The following PLBD2 variants were observed in gnomAD, a reference collection of about 807,000 sequenced individuals.
PLBD2 encodes phospholipase B domain containing 2.
A neutral mutation model predicts 68.3 loss-of-function variants in PLBD2; 51 were observed. The observed-to-expected ratio is 0.75, with a 90% CI of 0.60 to 0.94. PLBD2 has a LOEUF of 0.94. Ranked by LOEUF, PLBD2 falls within the 40% of genes least tolerant of loss-of-function variation. PLBD2 has a pLI of 0.00. For missense variants in PLBD2, 729 were observed against 792.2 expected (o/e 0.92, Z 0.96); for synonymous variants, 314 against 339.3 (o/e 0.93, Z 0.82).
At position 113,366,385 on chromosome 12, in the gene PLBD2, C is replaced by T. The variant is rs79201814; in HGVS notation, c.291-2731C>T. 6.1e-3 allele frequency among the ~76,000 whole-genome samples: 931 copies of T among 152,142 alleles called. 45 individuals carry two copies. The East Asian group carries it at 0.12, about 20-fold the overall frequency. The stretch of plus-strand genomic sequence containing the variant: ...TTGGAGCAAAAATGATATCTAGCAC[C>T]GTGAAGGAAAAGATTGATCTGGTTA... On this transcript the variant is annotated intron_variant, in intron 1 of 11. Transcript: ENST00000280800.
intron 8 of PLBD2, 69 bp downstream of exon 8, chr12:113,385,015 C>G: frequency 6.8e-7 from 1 of 1,465,596 alleles, no homozygotes; most frequent in Non-Finnish European, 9.4e-7. Flanking sequence ...GGCCCAGAGC[C>G]GTGCTGGCGC....
intron 5 of PLBD2, among the ~76,000 whole-genome samples, chr12:113,377,794 G>T (rs967035161): frequency 6.6e-6 from 1 of 152,160 alleles, no homozygotes; most frequent in Non-Finnish European, 1.5e-5. Context: ...GTATTACTGT[G>T]TGTAGCTGTA....
chr12:113,362,951 ATT>A (rs397850121), intron 1 of PLBD2, among the ~76,000 whole-genome samples: 3,622 of 140,616 alleles, frequency 0.026, 136 homozygotes, highest in East Asian at 0.12. Context: ...TACCCAGCTA[ATT>A]TTTTTTTTTT....
Position 113,358,882 on chromosome 12 carries a change from C to A in PLBD2, c.282C>A (p.Arg94=). The A allele has an allele frequency of 6.6e-7, 1 of 1,524,710 alleles. No homozygotes were observed. The highest frequency in any genetic ancestry group is 1.2e-5 in the South Asian group (1 of 81,962). 94.4% of individuals were successfully genotyped at this position (1,524,710 alleles called of 1,614,324 possible). ...GGGCCAACCTCACCAACGCCATCCG[C>A]GAGACTGGGTAAGGGTTGGCTTATC... ...VAWANLTNAI[R]ETGWAFLELG... is the part of the protein sequence containing the mutation. The change falls in exon 1 of 12, where the codon CGC becomes CGA. Residue 94 remains arginine, a synonymous_variant. Transcript: ENST00000280800.
rs1053355762 is a variant in PLBD2, at chr12:113,389,953, G to C, written c.*1327G>C. 1 of 151,976 alleles carries C rather than the reference G, an allele frequency of 6.6e-6. No individual in the cohort carries two copies. Among genetic ancestry groups the C allele is most frequent in the Non-Finnish European group, 1.5e-5 (1 of 68,014 alleles). The allele number at this position is 151,976 out of a possible 1,614,324, so 9.4% of individuals were successfully genotyped here. A position where few individuals can be genotyped will look rare whatever the true frequency, so the allele number is the denominator to read the frequency against. On this transcript the variant is annotated 3_prime_UTR_variant, in exon 12 of 12. Transcript: ENST00000280800. Reference sequence around the variant, plus strand: ...ACTCCTGGCCTCAAGTGATCCGCCCGTCTTGGCCTCCCAAAGTGCTTGGAT... The same window carrying C: ...ACTCCTGGCCTCAAGTGATCCGCCCCTCTTGGCCTCCCAAAGTGCTTGGAT...
intron 9 of PLBD2, 32 bp downstream of exon 9, chr12:113,385,315 C>A: frequency 6.3e-7 from 1 of 1,596,124 alleles, no homozygotes; most frequent in Non-Finnish European, 8.6e-7. Flanking sequence ...TCCCCGTCAC[C>A]CTCCAGGGCA....
intron 9 of PLBD2, among the ~76,000 whole-genome samples, chr12:113,385,822 C>T (rs969775352): frequency 3.9e-5 from 6 of 152,064 alleles, no homozygotes; most frequent in African/African-American, 1.4e-4. Flanking sequence ...GCAATCTCAG[C>T]TCACTGCAGC....
Position 113,358,712 on chromosome 12 carries a change from C to G in PLBD2, c.112C>G (p.Leu38Val). Residue 38 changes from leucine (L) to valine (V), a missense_variant, in exon 1 of 12, where the codon CTG becomes GTG. By Grantham distance (32) the Leu-to-Val change is conservative. Transcript: ENST00000280800. Reference protein sequence around the residue: ...ALLVGPFLSGLAGAIPAPGGR... With the variant: ...ALLVGPFLSGVAGAIPAPGGR... ...GCTGGTCGGGCCGTTCCTGAGCGGC[C>G]TGGCGGGGGCGATCCCAGCGCCGGG... 1 of 1,395,166 alleles carries G rather than the reference C, an allele frequency of 7.2e-7. No individual in the cohort carries two copies. The highest frequency in any genetic ancestry group is 9.2e-7 in the Non-Finnish European group (1 of 1,081,898). 86.4% of individuals were successfully genotyped at this position (1,395,166 alleles called of 1,614,324 possible).
chr12:113,378,979 G>A (rs1957458996), intron 5 of PLBD2, among the ~76,000 whole-genome samples: 1 of 152,098 alleles, frequency 6.6e-6, no homozygotes, highest in African/African-American at 2.4e-5. Flanking sequence ...CGGCCTACTG[G>A]TCCCTTTGTT....
chr12:113,380,378 G>A (rs999667859), intron 5 of PLBD2, among the ~76,000 whole-genome samples: 28 of 152,256 alleles, frequency 1.8e-4, no homozygotes, highest in African/African-American at 4.1e-4. Context: ...CTCGTGATCC[G>A]CCTGCCTTGG....
chr12:113,390,946 A>G lies in PLBD2; in HGVS notation c.*2320A>G, dbSNP rs1326929597. ...TCATTTATCACCCATCCATCCACAC[A>G]CGGGTCTGTGCAGATTCATTAATAT... On this transcript the variant is annotated 3_prime_UTR_variant, in exon 12 of 12. Transcript: ENST00000280800. 1 of 152,068 alleles carries G rather than the reference A, an allele frequency of 6.6e-6. No individual in the cohort carries two copies. The highest frequency in any genetic ancestry group is 1.5e-5 in the Non-Finnish European group (1 of 68,026). 9.4% of individuals were successfully genotyped at this position (152,068 alleles called of 1,614,324 possible).
rs1957462314 is a variant in PLBD2 at position 113,379,265 on chromosome 12, C to T, written c.860-1480C>T. ...AGAGGTTGCAGTGAGCCGAGATCCCCCCACTGCACTCTAGCCTGGGCAACA... is the reference window on the plus strand; with the variant it reads ...AGAGGTTGCAGTGAGCCGAGATCCCTCCACTGCACTCTAGCCTGGGCAACA... On this transcript the variant is annotated intron_variant, in intron 5 of 11. Coordinates refer to ENST00000280800, the MANE Select transcript of PLBD2 (RefSeq NM_173542.4). Among the ~76,000 whole-genome samples the T allele has an allele frequency of 2.0e-5, 3 of 149,622 alleles. No individual in the cohort carries two copies. In the South Asian group the frequency reaches 6.5e-4, roughly 32 times the overall value.
In PLBD2 at chr12:113,372,812, G is replaced by A. The variant is rs1164180852; in HGVS notation, c.543+5G>A. On this transcript the variant is annotated splice_donor_5th_base_variant and intron_variant, in intron 3 of 11. Transcript: ENST00000280800. The surrounding 1 kb of genome is among the most constrained non-coding windows in gnomAD (Gnocchi z 4.2). ...GACTCACCTTACTGGCACCAGGTGAGTCCTGCTGCCACGCTTGGTGGGAGG... is the reference window on the plus strand; with the variant it reads ...GACTCACCTTACTGGCACCAGGTGAATCCTGCTGCCACGCTTGGTGGGAGG... 1 of 1,611,032 alleles carries A rather than the reference G, an allele frequency of 6.2e-7. No homozygotes were observed. Among genetic ancestry groups the A allele is most frequent in the East Asian group, 2.2e-5 (1 of 44,872 alleles).
intron 10 of PLBD2, 32 bp downstream of exon 10, chr12:113,387,121 A>T (rs1957560673): frequency 6.5e-7 from 1 of 1,533,582 alleles, no homozygotes. Flanking sequence ...GGTTGGGGAG[A>T]GGGAGGCCGC....
intron 2 of PLBD2, among the ~76,000 whole-genome samples, chr12:113,369,691 C>A (rs748231116): frequency 6.6e-6 from 1 of 152,088 alleles, no homozygotes; most frequent in Non-Finnish European, 1.5e-5. Context: ...AGGGCACATA[C>A]TGTATGATTC....
intron 1 of PLBD2, among the ~76,000 whole-genome samples, chr12:113,360,943 C>A (rs1957287365): frequency 6.6e-6 from 1 of 152,192 alleles, no homozygotes; most frequent in East Asian, 1.9e-4. Flanking sequence ...CCTCTCTCAT[C>A]CCCTCCTCTT....
chr12:113,374,076 A>G (rs1957414943), intron 3 of PLBD2, among the ~76,000 whole-genome samples: 1 of 152,164 alleles, frequency 6.6e-6, no homozygotes, highest in Admixed American at 6.6e-5. Flanking sequence ...ATGTTGAGGC[A>G]AAATGATGAC....
rs1271358956 is a variant in PLBD2, at chr12:113,391,406, C to T, written c.*2780C>T. 1.3e-5 allele frequency: 2 copies of T among 152,260 alleles called. No individual in the cohort carries two copies. Among genetic ancestry groups the T allele is most frequent in the Non-Finnish European group, 2.9e-5 (2 of 68,062 alleles). 9.4% of individuals were successfully genotyped at this position (152,260 alleles called of 1,614,324 possible). A position where few individuals can be genotyped will look rare whatever the true frequency, so the allele number is the denominator to read the frequency against. On this transcript the variant is annotated 3_prime_UTR_variant, in exon 12 of 12. Coordinates refer to ENST00000280800, the MANE Select transcript of PLBD2 (RefSeq NM_173542.4). ...CAGCCCACTTGGGGCCTCATGCACT[C>T]AGCATCTCTTTATTAGCAAACACTT...
chr12:113,382,331 C>T (rs1428511511), intron 6 of PLBD2, among the ~76,000 whole-genome samples: 1 of 152,200 alleles, frequency 6.6e-6, no homozygotes, highest in Non-Finnish European at 1.5e-5. Flanking sequence ...AAGGTATGTA[C>T]AGCCTTGTAA....
Sources: allele counts gnomAD v4.1 joint callset (sites outside exome capture counted in the v4.1 genomes callset), GRCh38; gene constraint gnomAD v4.1.1; non-coding constraint Gnocchi (gnomAD v3.1); transcripts MANE v1.5; gene names NCBI Gene and HGNC (gene_info 2026-07-23, HGNC 2026-07-21).